HECW1: variants seen among roughly 807,000 people sequenced by gnomAD.
HECW1 encodes HECT, C2 and WW domain containing E3 ubiquitin protein ligase 1, also known as E3 ubiquitin-protein ligase HECW1.
In HECW1, 61 loss-of-function variants were observed where a neutral mutation model predicts 182.3. That is an observed-to-expected ratio of 0.33 (90% CI 0.27 to 0.41). The LOEUF (loss-of-function observed/expected upper bound fraction) is 0.41, where lower values mean the gene tolerates loss of function less well. Among genes scored for constraint, HECW1 ranks in the 10% least tolerant of loss-of-function variants. The pLI is 1.00. For missense variants in HECW1, 1,739 were observed against 2,108.9 expected (o/e 0.82, Z 3.44); for synonymous variants, 859 against 832.6 (o/e 1.03, Z -0.55).
intron 2 of HECW1, chr7:43,241,091 T>A (rs1264918640): frequency 2.0e-5 from 3 of 152,242 alleles, no homozygotes; most frequent in Admixed American, 6.5e-5. Context: ...CCTAATACTG[T>A]CCCTTGCCAT....
At chr7:43,303,441 TTA>T (rs1447072896) in intron 3 of HECW1, among the ~76,000 whole-genome samples, 1 of 150,334 alleles carries the variant, frequency 6.7e-6, no homozygotes, top group Non-Finnish European at 1.5e-5. Context: ...CGATAAGGCA[TTA>T]TGTGTTCCTA....
At chr7:43,338,794 C>G (rs1019783576) in intron 5 of HECW1, among the ~76,000 whole-genome samples, 10 of 151,546 alleles carry the variant, frequency 6.6e-5, no homozygotes, top group African/African-American at 2.4e-4. Context: ...TCTCACACAT[C>G]TGTGTTTCTG....
chr7:43,112,732 G>T lies in HECW1; in HGVS notation c.-472G>T, dbSNP rs1454957000. On this transcript the variant is annotated 5_prime_UTR_variant, in exon 1 of 30. Transcript: ENST00000395891. ...CTCGCGCACACACTCGCCGAGCCGCGCGCGCCCCTCCGCCGTGACAGTGGC... is the reference window on the plus strand; with the variant it reads ...CTCGCGCACACACTCGCCGAGCCGCTCGCGCCCCTCCGCCGTGACAGTGGC... 5 of 230,912 alleles carry T rather than the reference G, an allele frequency of 2.2e-5. No individual in the cohort carries two copies. The highest frequency in any genetic ancestry group is 4.3e-5 in the Non-Finnish European group (5 of 116,502). 14.3% of individuals were successfully genotyped at this position (230,912 alleles called of 1,614,324 possible). A position where few individuals can be genotyped will look rare whatever the true frequency, so the allele number is the denominator to read the frequency against.
chr7:43,550,521 G>T lies in HECW1; in HGVS notation c.4325G>T (p.Arg1442Leu). ...TEKNKKEYIERMVKWRVERGV... is the reference protein window; with the variant it reads ...TEKNKKEYIELMVKWRVERGV... The stretch of plus-strand genomic sequence containing the variant: ...AAAAACAAGAAGGAGTACATCGAGC[G>T]CATGGTGAAGTGGCGGGTGGAGCGC... The change falls in exon 27 of 30, where the codon CGC (arginine) becomes CTC (leucine). Residue 1442 changes from arginine to leucine, a missense_variant. Arg to Leu is a moderately radical substitution (Grantham distance 102, BLOSUM62 -2). Transcript: ENST00000395891. 6.2e-7 allele frequency: 1 copy of T among 1,613,902 alleles called. No homozygotes were observed. Among genetic ancestry groups the T allele is most frequent in the Non-Finnish European group, 8.5e-7 (1 of 1,179,914 alleles).
chr7:43,550,514 A>C lies in HECW1; in HGVS notation c.4318A>C (p.Ile1440Leu). The C allele has an allele frequency of 6.2e-7, 1 of 1,614,106 alleles. No individual in the cohort carries two copies. Among genetic ancestry groups the C allele is most frequent in the Non-Finnish European group, 8.5e-7 (1 of 1,179,998 alleles). ...QVTEKNKKEYIERMVKWRVER... is the reference protein window; with the variant it reads ...QVTEKNKKEYLERMVKWRVER... ...GACGGAGAAAAACAAGAAGGAGTACATCGAGCGCATGGTGAAGTGGCGGGT... is the reference window on the plus strand; with the variant it reads ...GACGGAGAAAAACAAGAAGGAGTACCTCGAGCGCATGGTGAAGTGGCGGGT... Residue 1440 changes from isoleucine to leucine, a missense_variant, in exon 27 of 30, where the codon ATC (isoleucine) becomes CTC (leucine). Ile to Leu is a conservative substitution (Grantham distance 5). Transcript: ENST00000395891.
At chr7:43,555,835 A>C (rs577907612) in intron 29 of HECW1, among the ~76,000 whole-genome samples, 1 of 152,276 alleles carries the variant, frequency 6.6e-6, no homozygotes, top group Admixed American at 6.5e-5. Context: ...TGGCTCTACC[A>C]ATAGCTAAAC....
intron 2 of HECW1, among the ~76,000 whole-genome samples, chr7:43,198,359 C>CA (rs1389176126): frequency 6.6e-6 from 1 of 150,768 alleles, no homozygotes; most frequent in African/African-American, 2.4e-5. Context: ...TAGTCACACA[C>CA]CCCACGCTCT....
At chr7:43,480,333 C>T (rs2078379592) in intron 17 of HECW1, among the ~76,000 whole-genome samples, 1 of 152,104 alleles carries the variant, frequency 6.6e-6, no homozygotes, top group Non-Finnish European at 1.5e-5. Context: ...CATACTCTTC[C>T]TGCCCTTCTT....
intron 2 of HECW1, among the ~76,000 whole-genome samples, chr7:43,147,917 A>G (rs1788892446): frequency 6.6e-6 from 1 of 152,362 alleles, no homozygotes; most frequent in South Asian, 2.1e-4. Flanking sequence ...CCAGGTGTAT[A>G]ATAAAAACTT....
intron 2 of HECW1, among the ~76,000 whole-genome samples, chr7:43,181,994 C>T (rs1792912250): frequency 6.6e-6 from 1 of 151,598 alleles, no homozygotes. Context: ...CCATGTTAGC[C>T]AGGAAGGTCT....
Position 43,374,706 on chromosome 7 carries a change from G to A in HECW1, c.555+13726G>A, listed in dbSNP as rs1366538858. Among the ~76,000 whole-genome samples, 4 of 52,768 alleles carry A rather than the reference G, an allele frequency of 7.6e-5. 1 individual carries two copies. The highest frequency in any genetic ancestry group is 3.2e-4 in the Admixed American group (2 of 6,280). The allele number at this position is 52,768 out of a possible 152,430, so 34.6% of individuals were successfully genotyped here. A position where few individuals can be genotyped will look rare whatever the true frequency, so the allele number is the denominator to read the frequency against. ...GGAGAATGGCTTGAACCCGGGAGGC[G>A]GAGCTTGCAGTGAGCCGAGATCCCG... On this transcript the variant is annotated intron_variant, in intron 6 of 29. Coordinates refer to ENST00000395891, the MANE Select transcript of HECW1 (RefSeq NM_015052.5).
chr7:43,236,606 T>C (rs1480088633), intron 2 of HECW1, among the ~76,000 whole-genome samples: 1 of 152,220 alleles, frequency 6.6e-6, no homozygotes, highest in Non-Finnish European at 1.5e-5. Context: ...TTGCATTCTT[T>C]TGAGTCCTTG....
chr7:43,365,095 T>C (rs1452287614), intron 6 of HECW1, among the ~76,000 whole-genome samples: 1 of 152,152 alleles, frequency 6.6e-6, no homozygotes, highest in African/African-American at 2.4e-5. Context: ...ATCCTCCTCT[T>C]CCCACTCTCA....
chr7:43,368,681 G>A (rs1249509075), intron 6 of HECW1, among the ~76,000 whole-genome samples: 3 of 152,134 alleles, frequency 2.0e-5, no homozygotes, highest in Non-Finnish European at 4.4e-5. Flanking sequence ...TCAGTTTGAG[G>A]GGAAGAGGTC....
At chr7:43,276,157 G>T (rs995354334) in intron 3 of HECW1, among the ~76,000 whole-genome samples, 1 of 152,150 alleles carries the variant, frequency 6.6e-6, no homozygotes, top group South Asian at 2.1e-4. Context: ...ATCAGAAATG[G>T]TAAGAAATGA....
chr7:43,274,113 A>C (rs1046353521), intron 3 of HECW1: 1 of 388,176 alleles, frequency 2.6e-6, no homozygotes, highest in Non-Finnish European at 4.6e-6. Flanking sequence ...GGCCTCCCAA[A>C]GTGCTGGAGA....
At chr7:43,384,911 C>T (rs143960482) in intron 6 of HECW1, among the ~76,000 whole-genome samples, 24 of 151,762 alleles carry the variant, frequency 1.6e-4, no homozygotes, top group Non-Finnish European at 3.2e-4. Context: ...TTGGTTTAAT[C>T]GCTATTTTAA....
chr7:43,537,773 C>T (rs1375598035), intron 24 of HECW1, among the ~76,000 whole-genome samples: 1 of 151,194 alleles, frequency 6.6e-6, no homozygotes, highest in African/African-American at 2.4e-5. Flanking sequence ...GTTATCATAG[C>T]TTTGTTGCAC....
chr7:43,534,576 G>A (rs1372128248), intron 24 of HECW1, among the ~76,000 whole-genome samples: 1 of 152,180 alleles, frequency 6.6e-6, no homozygotes, highest in African/African-American at 2.4e-5. Context: ...ACCTACTGCA[G>A]CTATTGGAAA....
Sources: allele counts gnomAD v4.1 joint callset (sites outside exome capture counted in the v4.1 genomes callset), GRCh38; gene constraint gnomAD v4.1.1; transcripts MANE v1.5; gene names NCBI Gene and HGNC (gene_info 2026-07-23, HGNC 2026-07-21).